Variants in RAB31 observed in about 807,000 individuals in gnomAD.
The protein encoded by RAB31 is ras-related protein Rab-31.
A neutral mutation model predicts 25.6 loss-of-function variants in RAB31; 21 were observed. The ratio of observed to expected loss-of-function variants is 0.82; its 90% CI spans 0.58 to 1.18. The LOEUF is 1.18. RAB31 is among the 50% of genes most tolerant of loss of function. The pLI is 0.00. For missense variants in RAB31, 196 were observed against 250.1 expected (o/e 0.78, Z 1.46); for synonymous variants, 87 against 84.0 (o/e 1.04, Z -0.20).
intron 6 of RAB31, among the ~76,000 whole-genome samples, chr18:9,857,480 T>C (rs2068822262): frequency 6.6e-6 from 1 of 152,020 alleles, no homozygotes; most frequent in South Asian, 2.1e-4. Context: ...GACTGTACTG[T>C]TTTCTAAGCA....
intron 5 of RAB31, among the ~76,000 whole-genome samples, chr18:9,825,094 A>T (rs1432306174): frequency 6.6e-6 from 1 of 152,164 alleles, no homozygotes; most frequent in African/African-American, 2.4e-5. Flanking sequence ...TTAGGCTTGC[A>T]CAGTTGGGGA....
intron 1 of RAB31, among the ~76,000 whole-genome samples, chr18:9,732,553 T>C (rs1161232531): frequency 6.6e-6 from 1 of 152,214 alleles, no homozygotes; most frequent in African/African-American, 2.4e-5. Context: ...GTACCCAGGC[T>C]TGTCTGACAC....
At chr18:9,842,156 G>A (rs145906604) in intron 5 of RAB31, among the ~76,000 whole-genome samples, 59 of 152,330 alleles carry the variant, frequency 3.9e-4, no homozygotes, top group African/African-American at 1.4e-3. Flanking sequence ...CAGCACACCA[G>A]TGTGCTCAGC....
chr18:9,852,408 T>C (rs2068793649), intron 6 of RAB31, among the ~76,000 whole-genome samples: 1 of 152,244 alleles, frequency 6.6e-6, no homozygotes, highest in South Asian at 2.1e-4. Flanking sequence ...CATGTTACCA[T>C]TTGTTTACAT....
intron 1 of RAB31, among the ~76,000 whole-genome samples, chr18:9,764,932 A>T (rs2068307641): frequency 6.6e-6 from 1 of 151,644 alleles, no homozygotes; most frequent in South Asian, 2.1e-4. Flanking sequence ...CCCAGTGCAG[A>T]ACCCACCTTT....
chr18:9,712,704 G>A (rs994492202), intron 1 of RAB31, among the ~76,000 whole-genome samples: 10 of 152,328 alleles, frequency 6.6e-5, no homozygotes, highest in South Asian at 4.1e-4. Flanking sequence ...CCTTTGTTTT[G>A]TTATCTCCTT....
intron 5 of RAB31, among the ~76,000 whole-genome samples, chr18:9,820,126 G>A (rs970116539): frequency 2.0e-5 from 3 of 151,976 alleles, no homozygotes; most frequent in African/African-American, 4.8e-5. Flanking sequence ...GCACATTCTT[G>A]TTTCTTCCTG....
intron 1 of RAB31, among the ~76,000 whole-genome samples, chr18:9,773,586 T>C (rs2068356618): frequency 6.6e-6 from 1 of 152,188 alleles, no homozygotes; most frequent in South Asian, 2.1e-4. Flanking sequence ...TTCTACTTTC[T>C]TCTACTTTTG....
chr18:9,740,209 A>G lies in RAB31; in HGVS notation c.39+31765A>G, dbSNP rs543754595. 1.7e-4 allele frequency among the ~76,000 whole-genome samples: 26 copies of G among 152,334 alleles called. No homozygotes were observed. The South Asian group carries it at 5.4e-3, about 32-fold the overall frequency. On this transcript the variant is annotated intron_variant, in intron 1 of 6. Transcript: ENST00000578921. ...AAGTCATTGTAACAAGTATTTTGAG[A>G]ACATCCAGGATAATGCCAGTCATAT...
intron 5 of RAB31, among the ~76,000 whole-genome samples, chr18:9,825,844 A>G (rs1220794370): frequency 6.6e-6 from 1 of 152,234 alleles, no homozygotes; most frequent in Non-Finnish European, 1.5e-5. Context: ...CCAGGAACAG[A>G]AAATCAAATA....
chr18:9,768,632 C>A (rs927561086), intron 1 of RAB31, among the ~76,000 whole-genome samples: 2 of 151,970 alleles, frequency 1.3e-5, no homozygotes, highest in African/African-American at 4.8e-5. Flanking sequence ...AAATTTTTCT[C>A]CCATTCTGTA....
chr18:9,786,547 T>G (rs1002402980), intron 2 of RAB31, among the ~76,000 whole-genome samples: 1 of 152,210 alleles, frequency 6.6e-6, no homozygotes, highest in African/African-American at 2.4e-5. Flanking sequence ...GCCCTCAACC[T>G]GTGGGATCTG....
chr18:9,809,985 G>A (rs567106649), intron 3 of RAB31, among the ~76,000 whole-genome samples: 6 of 152,178 alleles, frequency 3.9e-5, no homozygotes, highest in Admixed American at 2.0e-4. Flanking sequence ...GGCCGTTCCC[G>A]TCTCCCCTGC....
At chr18:9,855,059 A>G (rs978152589) in intron 6 of RAB31, among the ~76,000 whole-genome samples, 1 of 152,228 alleles carries the variant, frequency 6.6e-6, no homozygotes, top group Non-Finnish European at 1.5e-5. Flanking sequence ...TGGCTGGTCC[A>G]CGGGGAAAGG....
chr18:9,832,581 G>A, intron 5 of RAB31, among the ~76,000 whole-genome samples: 1 of 152,202 alleles, frequency 6.6e-6, no homozygotes, highest in East Asian at 1.9e-4. Context: ...GAGTGGAACG[G>A]GCCGCGAATG....
intron 6 of RAB31, chr18:9,849,520 A>G (rs570676556): frequency 2.0e-5 from 3 of 152,464 alleles, no homozygotes; most frequent in South Asian, 2.1e-4. Flanking sequence ...GGTAGGTGCC[A>G]TGCTAGACCC....
chr18:9,826,137 G>A (rs1433067245), intron 5 of RAB31, among the ~76,000 whole-genome samples: 2 of 152,142 alleles, frequency 1.3e-5, no homozygotes, highest in African/African-American at 4.8e-5. Flanking sequence ...AACATGTTGG[G>A]AGGCTGAGGT....
At chr18:9,750,805 A>G (rs1211835827) in intron 1 of RAB31, among the ~76,000 whole-genome samples, 2 of 152,208 alleles carry the variant, frequency 1.3e-5, no homozygotes, top group African/African-American at 4.8e-5. Context: ...TCAAATTATC[A>G]TCTGCAAACT....
chr18:9,808,987 C>T (rs906284103), intron 3 of RAB31, among the ~76,000 whole-genome samples: 2 of 142,496 alleles, frequency 1.4e-5, no homozygotes, highest in African/African-American at 2.5e-5. Context: ...AGTAGGTGTT[C>T]TAAAGGATTA....
Sources: gnomAD v4.1 joint callset for allele counts (sites outside exome capture counted in the v4.1 genomes callset) on GRCh38, gnomAD v4.1.1 for gene constraint, MANE v1.5 for transcripts, NCBI Gene and HGNC (gene_info 2026-07-23, HGNC 2026-07-21) for gene names.